The following PPFIBP1 variants were observed in gnomAD, a reference collection of about 807,000 sequenced individuals.
The protein encoded by PPFIBP1 is liprin-beta-1.
PPFIBP1 carries 112 observed loss-of-function variants against 137.8 expected under a neutral mutation model. The ratio of observed to expected loss-of-function variants is 0.81; its 90% CI spans 0.70 to 0.95. PPFIBP1 has a LOEUF of 0.95. PPFIBP1 is among the 40% of genes least tolerant of loss of function. The pLI is 0.00. For synonymous variants in PPFIBP1, 378 were observed against 417.3 expected (o/e 0.91, Z 1.15); for missense variants, 1,083 against 1,196.6 (o/e 0.91, Z 1.40).
At chr12:27,586,642 A>C (rs1037482053) in intron 2 of PPFIBP1, among the ~76,000 whole-genome samples, 1 of 152,054 alleles carries the variant, frequency 6.6e-6, no homozygotes, top group Admixed American at 6.5e-5. Context: ...GGTTGCAGTG[A>C]GCAGAGATCA....
At chr12:27,672,058 G>A (rs1009427989) in intron 14 of PPFIBP1, among the ~76,000 whole-genome samples, 3 of 151,842 alleles carry the variant, frequency 2.0e-5, no homozygotes, top group Non-Finnish European at 4.4e-5. Flanking sequence ...GTGACAGAGC[G>A]AGACTCTGTC....
chr12:27,664,372 TAGA>T lies in PPFIBP1; in HGVS notation c.921_923del (p.Glu307del). 6.2e-7 allele frequency: 1 copy of T among 1,608,972 alleles called. No individual in the cohort carries two copies. Among genetic ancestry groups the T allele is most frequent in the Non-Finnish European group, 8.5e-7 (1 of 1,175,800 alleles). On this transcript the variant is annotated inframe_deletion, in exon 12 of 30. Coordinates refer to ENST00000228425, the MANE Select transcript of PPFIBP1 (RefSeq NM_003622.4). Reference sequence around the variant, plus strand: ...TTATTTTATTCCTAGGATCGGAAAATAGAAGATCTTCGACAGTGCCTGAACAGG... The same window carrying T: ...TTATTTTATTCCTAGGATCGGAAAATAGATCTTCGACAGTGCCTGAACAGG...
At chr12:27,538,976 TG>T (rs1432954124) in intron 1 of PPFIBP1, among the ~76,000 whole-genome samples, 2 of 152,116 alleles carry the variant, frequency 1.3e-5, no homozygotes, top group Non-Finnish European at 1.5e-5. Flanking sequence ...TGGCATTTGG[TG>T]GGTACGTTCC....
At position 27,581,219 on chromosome 12, in the gene PPFIBP1, G is replaced by A. The variant is rs549512188; in HGVS notation, c.-36+2980G>A. 3.0e-4 allele frequency among the ~76,000 whole-genome samples: 45 copies of A among 152,256 alleles called. No homozygotes were observed. In the South Asian group the frequency reaches 8.7e-3, roughly 30 times the overall value. ...TGTACCTTCAGTCTTAGGTGTTCTG[G>A]CAGGTGGCACGTATATGAAATTTCG... On this transcript the variant is annotated intron_variant, in intron 2 of 29. Transcript: ENST00000228425.
intron 2 of PPFIBP1, among the ~76,000 whole-genome samples, chr12:27,580,346 T>C (rs2050977475): frequency 6.6e-6 from 1 of 152,238 alleles, no homozygotes; most frequent in Non-Finnish European, 1.5e-5. Flanking sequence ...GATGTGAGCA[T>C]GTGGGCTTTG....
At chr12:27,540,912 C>G (rs142923169) in intron 1 of PPFIBP1, among the ~76,000 whole-genome samples, 37 of 152,300 alleles carry the variant, frequency 2.4e-4, no homozygotes, top group African/African-American at 7.5e-4. Flanking sequence ...GTGTATTTCA[C>G]TTATGAATCC....
chr12:27,609,069 G>C (rs1592822515), intron 2 of PPFIBP1: 1 of 157,952 alleles, frequency 6.3e-6, no homozygotes. Flanking sequence ...GAGGGTGTGG[G>C]CTGGGTGTCT....
intron 15 of PPFIBP1, 88 bp from the exon 16 acceptor site, chr12:27,673,679 G>A (rs545089172): frequency 2.4e-5 from 27 of 1,109,502 alleles, no homozygotes; most frequent in East Asian, 9.9e-5. Context: ...CAACCCACAC[G>A]CAATTTTAGT....
intron 2 of PPFIBP1, among the ~76,000 whole-genome samples, chr12:27,581,065 T>C (rs144206279): frequency 2.6e-5 from 4 of 152,232 alleles, no homozygotes; most frequent in African/African-American, 9.6e-5. Flanking sequence ...CGGCTAGTTT[T>C]TAAATTTTTT....
At chr12:27,560,801 C>G (rs1006705012) in intron 1 of PPFIBP1, among the ~76,000 whole-genome samples, 1 of 152,220 alleles carries the variant, frequency 6.6e-6, no homozygotes, top group Non-Finnish European at 1.5e-5. Flanking sequence ...CATTCTACCC[C>G]ACAGGAGCTG....
chr12:27,668,344 G>A (rs1410319293), intron 13 of PPFIBP1, among the ~76,000 whole-genome samples: 2 of 152,130 alleles, frequency 1.3e-5, no homozygotes, highest in South Asian at 2.1e-4. Context: ...ACACCCATAC[G>A]ATGGTTGGAT....
rs1161866750 is a variant in PPFIBP1 at position 27,655,265 on chromosome 12, T to C, written c.696+451T>C. On this transcript the variant is annotated intron_variant, in intron 8 of 29. Coordinates refer to ENST00000228425, the MANE Select transcript of PPFIBP1 (RefSeq NM_003622.4). ...AGTAGACGTTGGGTGATGGGGTCCA[T>C]GGCCTGTTGCTTTCTGGCTTGTGTT... 1.1e-5 allele frequency: 15 copies of C among 1,378,738 alleles called. No individual in the cohort carries two copies. The African/African-American group carries it at 2.1e-4, about 20-fold the overall frequency. The allele number at this position is 1,378,738 out of a possible 1,614,324, so 85.4% of individuals were successfully genotyped here.
At chr12:27,688,599 T>C (rs2061333517) in intron 26 of PPFIBP1, among the ~76,000 whole-genome samples, 176 bp downstream of exon 26, 1 of 152,262 alleles carries the variant, frequency 6.6e-6, no homozygotes, top group Non-Finnish European at 1.5e-5. Flanking sequence ...TAACTCTAGA[T>C]TGAATTTAAA....
chr12:27,634,148 T>A, intron 3 of PPFIBP1, among the ~76,000 whole-genome samples: 1 of 150,318 alleles, frequency 6.7e-6, no homozygotes, highest in African/African-American at 2.4e-5. Context: ...TCTTTTTTTT[T>A]TTTTTTTTTT....
At chr12:27,531,265 AT>A (rs1944383724) in intron 1 of PPFIBP1, among the ~76,000 whole-genome samples, 1 of 151,984 alleles carries the variant, frequency 6.6e-6, no homozygotes, top group Non-Finnish European at 1.5e-5. Flanking sequence ...GTGCCATAGC[AT>A]TTTTTGAAGG....
chr12:27,566,844 G>A (rs922465764), intron 1 of PPFIBP1, among the ~76,000 whole-genome samples: 2 of 152,114 alleles, frequency 1.3e-5, no homozygotes, highest in African/African-American at 4.8e-5. Flanking sequence ...CCTACTAACC[G>A]CTCTGTACCA....
intron 2 of PPFIBP1, among the ~76,000 whole-genome samples, chr12:27,606,969 C>T (rs1203094476): frequency 6.6e-6 from 1 of 152,118 alleles, no homozygotes; most frequent in Non-Finnish European, 1.5e-5. Flanking sequence ...ATTGAAAATG[C>T]AAATCCCTGT....
At chr12:27,544,732 T>A (rs2136078314) in intron 1 of PPFIBP1, among the ~76,000 whole-genome samples, 1 of 152,252 alleles carries the variant, frequency 6.6e-6, no homozygotes, top group East Asian at 1.9e-4. Flanking sequence ...CATTAAATAG[T>A]CTGGAAACAA....
intron 4 of PPFIBP1, among the ~76,000 whole-genome samples, chr12:27,639,661 G>A (rs1279211178): frequency 1.3e-5 from 2 of 152,244 alleles, no homozygotes; most frequent in Non-Finnish European, 2.9e-5. Context: ...TCACCCATGA[G>A]ATAGGTAAAC....
Sources: allele counts gnomAD v4.1 joint callset (sites outside exome capture counted in the v4.1 genomes callset), GRCh38; gene constraint gnomAD v4.1.1; transcripts MANE v1.5; gene names NCBI Gene and HGNC (gene_info 2026-07-23, HGNC 2026-07-21).